BOC: variants seen among roughly 807,000 people sequenced by gnomAD.
The protein encoded by BOC is BOC cell adhesion associated, oncogene regulated, also known as brother of CDO.
A neutral mutation model predicts 112.0 loss-of-function variants in BOC; 76 were observed. The observed-to-expected ratio is 0.68, with a 90% CI of 0.56 to 0.82. BOC has a LOEUF of 0.82. BOC is among the 40% of genes least tolerant of loss of function. BOC has a pLI of 0.00. For synonymous variants in BOC, 580 were observed against 599.8 expected (o/e 0.97, Z 0.48); for missense variants, 1,309 against 1,511.7 (o/e 0.87, Z 2.22).
At chr3:113,273,667 C>T (rs1370249753) in intron 8 of BOC, among the ~76,000 whole-genome samples, 1 of 152,222 alleles carries the variant, frequency 6.6e-6, no homozygotes, top group Non-Finnish European at 1.5e-5. Context: ...AGTGACCATG[C>T]TCAACCTAGG....
rs767548928 is a variant in BOC at position 113,284,470 on chromosome 3, G to C, written c.2792G>C (p.Cys931Ser). ...CTCAGTGGCATCAGTGGACGGGCCT[G>C]TGCTAATGGGATCCACATGAATAGG... is the stretch of plus-strand genomic sequence containing the variant. ...PYLSGISGRA[C>S]ANGIHMNRGC... Residue 931 changes from cysteine to serine, a missense_variant, in exon 17 of 20, where the codon TGT (cysteine) becomes TCT (serine). Coordinates refer to ENST00000682979, the MANE Select transcript of BOC (RefSeq NM_001378074.1). 3.7e-6 allele frequency: 6 copies of C among 1,614,256 alleles called. No individual in the cohort carries two copies. Among genetic ancestry groups the C allele is most frequent in the Non-Finnish European group, 3.4e-6 (4 of 1,180,044 alleles).
At chr3:113,213,948 T>G (rs1938786371) in intron 1 of BOC, among the ~76,000 whole-genome samples, 1 of 152,226 alleles carries the variant, frequency 6.6e-6, no homozygotes, top group African/African-American at 2.4e-5. Flanking sequence ...TCTACACATT[T>G]ATGAAGCCTG....
chr3:113,233,913 G>C (rs987870346), intron 2 of BOC, among the ~76,000 whole-genome samples: 1 of 149,360 alleles, frequency 6.7e-6, no homozygotes, highest in South Asian at 2.2e-4. Flanking sequence ...AGATAGGAAC[G>C]GGAATATCAG....
chr3:113,266,288 A>G (rs1356890732), intron 4 of BOC, among the ~76,000 whole-genome samples: 1 of 152,252 alleles, frequency 6.6e-6, no homozygotes, highest in Non-Finnish European at 1.5e-5. Flanking sequence ...ACAGGCATGC[A>G]GTGTGAAATA....
intron 6 of BOC, chr3:113,271,310 C>T (rs1350656044): frequency 2.2e-5 from 10 of 453,986 alleles, no homozygotes; most frequent in East Asian, 1.9e-4. Context: ...CAGATGGCCA[C>T]GTGGGAGGCC....
At position 113,280,644 on chromosome 3, in the gene BOC, C is replaced by T. The variant is rs747505561; in HGVS notation, c.2292C>T (p.Tyr764=). The change falls in exon 14 of 20, where the codon TAC becomes TAT. Residue 764 remains tyrosine (Y), a synonymous_variant. Coordinates refer to ENST00000682979, the MANE Select transcript of BOC (RefSeq NM_001378074.1). ...CAGACAGTGACAATGATAGTGACTA[C>T]AAGAAGGATATGGTGGAAGGTGAGA... ...RPTDSDNDSD[Y]KKDMVEGDKY... 1 of 1,606,160 alleles carries T rather than the reference C, an allele frequency of 6.2e-7. No homozygotes were observed. Among genetic ancestry groups the T allele is most frequent in the Non-Finnish European group, 8.5e-7 (1 of 1,172,788 alleles).
chr3:113,234,384 C>T (rs1454835720), intron 2 of BOC, among the ~76,000 whole-genome samples: 1 of 152,164 alleles, frequency 6.6e-6, no homozygotes, highest in Non-Finnish European at 1.5e-5. Flanking sequence ...CATGTGCACA[C>T]ATGTGTGTAG....
At chr3:113,251,011 T>C in intron 4 of BOC, 178 bp downstream of exon 4, 1 of 798,522 alleles carries the variant, frequency 1.3e-6, no homozygotes, top group South Asian at 1.8e-5. Flanking sequence ...GGGACCCTTG[T>C]GCCCTTGGAA....
chr3:113,275,151 T>C (rs1948529868), intron 9 of BOC, among the ~76,000 whole-genome samples: 1 of 152,244 alleles, frequency 6.6e-6, no homozygotes, highest in South Asian at 2.1e-4. Flanking sequence ...CAAATATTTG[T>C]GAACAAGTGT....
At chr3:113,250,156 C>T (rs1231779712) in intron 3 of BOC, among the ~76,000 whole-genome samples, 6 of 152,176 alleles carry the variant, frequency 3.9e-5, no homozygotes, top group Non-Finnish European at 7.3e-5. Context: ...TTTTATTGTG[C>T]ACTTACTGTA....
At position 113,236,266 on chromosome 3, in the gene BOC, G is replaced by GTGTGTGTGTC. The variant is rs10634988; in HGVS notation, c.-81-13455_-81-13454insGTGTGTGTCT. ...TGTGTGTGTGTGTGTGTGTGTGTGT[G>GTGTGTGTGTC]TATATATACCCATGGGTATATATAT... On this transcript the variant is annotated intron_variant, in intron 2 of 19. Transcript: ENST00000682979. Among the ~76,000 whole-genome samples the GTGTGTGTGTC allele has an allele frequency of 3.8e-3, 198 of 52,618 alleles. 3 individuals are homozygous for GTGTGTGTGTC. Among genetic ancestry groups the GTGTGTGTGTC allele is most frequent in the African/African-American group, 4.9e-3 (80 of 16,198 alleles). 34.5% of individuals were successfully genotyped at this position (52,618 alleles called of 152,430 possible).
At chr3:113,260,801 T>C (rs1352987025) in intron 4 of BOC, among the ~76,000 whole-genome samples, 1 of 139,860 alleles carries the variant, frequency 7.2e-6, no homozygotes, top group African/African-American at 2.9e-5. Context: ...GGGTGAACCC[T>C]ACTGTGAACT....
At chr3:113,226,658 G>A (rs181077074) in intron 2 of BOC, among the ~76,000 whole-genome samples, 4 of 152,300 alleles carry the variant, frequency 2.6e-5, no homozygotes, top group African/African-American at 9.6e-5. Context: ...GGGAAAGGTA[G>A]TGAGACCTCA....
intron 7 of BOC, 62 bp from the exon 8 acceptor site, chr3:113,273,007 G>A: frequency 1.3e-6 from 2 of 1,545,466 alleles, no homozygotes; most frequent in Middle Eastern, 2.3e-4. Flanking sequence ...ATCCCTCCCA[G>A]CCCATCTGGC....
At chr3:113,266,775 T>C (rs17320535) in intron 4 of BOC, among the ~76,000 whole-genome samples, 2,466 of 152,326 alleles carry the variant, frequency 0.016, 39 homozygotes, top group Non-Finnish European at 0.024. Context: ...CATAGTCTAA[T>C]ATTGTAATCA....
At chr3:113,284,944 GC>G in intron 18 of BOC, 86 bp downstream of exon 18, 1 of 1,251,522 alleles carries the variant, frequency 8.0e-7, no homozygotes, top group Non-Finnish European at 1.2e-6. Flanking sequence ...GTCACTGAGA[GC>G]CAAGCAGTAG....
At chr3:113,217,933 G>A (rs1253412582) in intron 2 of BOC, among the ~76,000 whole-genome samples, 1 of 152,188 alleles carries the variant, frequency 6.6e-6, no homozygotes, top group African/African-American at 2.4e-5. Flanking sequence ...GATTTTAGCT[G>A]AGAATCCTAG....
intron 19 of BOC, 64 bp from the exon 20 acceptor site, chr3:113,286,611 G>A: frequency 7.3e-7 from 1 of 1,363,222 alleles, no homozygotes; most frequent in Non-Finnish European, 9.8e-7. Flanking sequence ...TTGGCCCAGT[G>A]TCACTGGGTG....
Position 113,274,618 on chromosome 3 carries a change from G to A in BOC, c.1478G>A (p.Trp493Ter). ...AAGACAGACTCATATGAACTGGTGT[G>A]GCGGCCTCGGCATGAGGGCAGTGGC... ...TSKTDSYELVWRPRHEGSGRA... is the reference protein window; with the variant it reads ...TSKTDSYELV Residue 493 changes from tryptophan (W) to a stop codon, truncating the protein, a stop_gained, in exon 9 of 20, where the codon TGG becomes TAG. Transcript: ENST00000682979. LOFTEE classifies it high-confidence loss of function. This position sits in a 1 kb window ranked among gnomAD's most constrained non-coding sequence, Gnocchi z 4.8. 3 of 1,611,540 alleles carry A rather than the reference G, an allele frequency of 1.9e-6. No homozygotes were observed. Among genetic ancestry groups the A allele is most frequent in the Non-Finnish European group, 2.5e-6 (3 of 1,178,378 alleles).
Sources: allele counts gnomAD v4.1 joint callset (sites outside exome capture counted in the v4.1 genomes callset), GRCh38; gene constraint gnomAD v4.1.1; non-coding constraint Gnocchi (gnomAD v3.1); transcripts MANE v1.5; gene names NCBI Gene and HGNC (gene_info 2026-07-23, HGNC 2026-07-21).